Variants in NREP observed in about 807,000 individuals in gnomAD.
The protein encoded by NREP is neuronal regeneration related protein, also known as neuronal regeneration-related protein.
Under a neutral mutation model 8.6 loss-of-function variants are expected in NREP, and 5 were observed. The ratio of observed to expected loss-of-function variants is 0.58; its 90% CI spans 0.30 to 1.22. NREP has a LOEUF of 1.22. NREP is among the 50% of genes most tolerant of loss of function. The pLI is 0.07. For missense variants in NREP, 86 were observed against 82.5 expected (o/e 1.04, Z -0.17); for synonymous variants, 27 against 28.0 (o/e 0.96, Z 0.11).
intron 2 of NREP, among the ~76,000 whole-genome samples, chr5:111,968,554 G>C (rs990313876): frequency 2.6e-5 from 4 of 152,164 alleles, no homozygotes; most frequent in African/African-American, 9.7e-5. Context: ...TTTTGGCTCT[G>C]TATAAGGAGG....
At chr5:111,768,738 C>T (rs532556908) in intron 2 of NREP, among the ~76,000 whole-genome samples, 1 of 152,136 alleles carries the variant, frequency 6.6e-6, no homozygotes, top group South Asian at 2.1e-4. Flanking sequence ...TTATATGTAC[C>T]ATGTTTTCTT....
At chr5:111,972,039 C>T (rs1756835208) in intron 2 of NREP, among the ~76,000 whole-genome samples, 1 of 151,846 alleles carries the variant, frequency 6.6e-6, no homozygotes, top group South Asian at 2.1e-4. Context: ...ACTCAAACAG[C>T]AAGAAAACAA....
intron 2 of NREP, among the ~76,000 whole-genome samples, chr5:111,854,505 C>T (rs577903315): frequency 6.6e-6 from 1 of 152,166 alleles, no homozygotes; most frequent in East Asian, 1.9e-4. Context: ...CATAATCTCC[C>T]CGAGCTTCAC....
chr5:111,746,973 T>C (rs1463590396), intron 2 of NREP, among the ~76,000 whole-genome samples: 1 of 152,284 alleles, frequency 6.6e-6, no homozygotes, highest in East Asian at 1.9e-4. Context: ...AACCATGTGC[T>C]GCCTAACCCA....
chr5:111,743,972 C>G (rs1749840584), intron 2 of NREP, among the ~76,000 whole-genome samples: 1 of 152,052 alleles, frequency 6.6e-6, no homozygotes, highest in African/African-American at 2.4e-5. Flanking sequence ...TTTGTTAAAG[C>G]CTTCAGTTAA....
At chr5:111,930,491 G>A (rs1755507394) in intron 2 of NREP, among the ~76,000 whole-genome samples, 1 of 152,110 alleles carries the variant, frequency 6.6e-6, no homozygotes, top group Non-Finnish European at 1.5e-5. Context: ...TAACCAGAAT[G>A]AGTTTTATGT....
intron 2 of NREP, among the ~76,000 whole-genome samples, chr5:111,764,580 A>G (rs1244983984): frequency 6.6e-6 from 1 of 152,178 alleles, no homozygotes; most frequent in East Asian, 1.9e-4. Context: ...CCCATGATTA[A>G]ATTACCTCCC....
At chr5:111,764,172 G>A (rs1434421769) in intron 2 of NREP, among the ~76,000 whole-genome samples, 1 of 152,202 alleles carries the variant, frequency 6.6e-6, no homozygotes, top group Non-Finnish European at 1.5e-5. Context: ...AGGGCCTGCA[G>A]CATCCAGGGT....
At chr5:111,886,830 G>C (rs1481164824) in intron 2 of NREP, among the ~76,000 whole-genome samples, 1 of 151,690 alleles carries the variant, frequency 6.6e-6, no homozygotes, top group Non-Finnish European at 1.5e-5. Context: ...TGTGGGGTTG[G>C]GGGACGGGGG....
At chr5:111,766,300 T>C (rs544343369) in intron 2 of NREP, among the ~76,000 whole-genome samples, 1 of 152,340 alleles carries the variant, frequency 6.6e-6, no homozygotes, top group East Asian at 1.9e-4. Flanking sequence ...ATTCTGAGAC[T>C]GTTCATATTA....
chr5:111,965,700 C>A (rs1254247480), intron 2 of NREP, among the ~76,000 whole-genome samples: 1 of 152,118 alleles, frequency 6.6e-6, no homozygotes, highest in Non-Finnish European at 1.5e-5. Context: ...TAAAACCAAA[C>A]CACAATACAG....
At chr5:111,951,167 G>A (rs1756150348) in intron 2 of NREP, among the ~76,000 whole-genome samples, 2 of 151,888 alleles carry the variant, frequency 1.3e-5, no homozygotes, top group Admixed American at 1.3e-4. Context: ...TTAACACTGT[G>A]TTTGCCACAT....
At chr5:111,851,075 A>C (rs1753297252) in intron 2 of NREP, among the ~76,000 whole-genome samples, 1 of 152,182 alleles carries the variant, frequency 6.6e-6, no homozygotes, top group South Asian at 2.1e-4. Context: ...GGGTCATGAC[A>C]ATCTAGTACT....
chr5:111,897,743 CT>C (rs1754545040), intron 2 of NREP, among the ~76,000 whole-genome samples: 1 of 151,998 alleles, frequency 6.6e-6, no homozygotes, highest in Admixed American at 6.6e-5. Flanking sequence ...ATAAGTCTCT[CT>C]TTTTCAAACC....
At chr5:111,790,723 G>T (rs1439385060) in intron 2 of NREP, among the ~76,000 whole-genome samples, 3 of 152,046 alleles carry the variant, frequency 2.0e-5, no homozygotes, top group African/African-American at 7.2e-5. Flanking sequence ...TGAAACACAA[G>T]GTTGTCATTA....
intron 2 of NREP, among the ~76,000 whole-genome samples, chr5:111,856,383 A>G (rs1753428033): frequency 6.6e-6 from 1 of 152,172 alleles, no homozygotes; most frequent in Non-Finnish European, 1.5e-5. Context: ...ACTTTTTAAT[A>G]TACACAATAA....
chr5:111,898,745 A>T (rs962646930), intron 2 of NREP, among the ~76,000 whole-genome samples: 4 of 152,194 alleles, frequency 2.6e-5, no homozygotes, highest in Non-Finnish European at 5.9e-5. Flanking sequence ...CAGCTCAAGA[A>T]TTCCTAAACA....
intron 2 of NREP, among the ~76,000 whole-genome samples, chr5:111,801,387 A>G (rs887296833): frequency 6.6e-6 from 1 of 152,208 alleles, no homozygotes; most frequent in Non-Finnish European, 1.5e-5. Flanking sequence ...AAAGAAGGCA[A>G]TGGCAACCAA....
intron 2 of NREP, among the ~76,000 whole-genome samples, chr5:111,892,217 A>G (rs960851648): frequency 4.0e-4 from 61 of 152,266 alleles, no homozygotes; most frequent in African/African-American, 1.4e-3. Context: ...TATGAGGGAG[A>G]GGTAGATAGG....
Sources: allele counts gnomAD v4.1 joint callset (sites outside exome capture counted in the v4.1 genomes callset), GRCh38; gene constraint gnomAD v4.1.1; transcripts MANE v1.5; gene names NCBI Gene and HGNC (gene_info 2026-07-23, HGNC 2026-07-21).